FHIT: variants seen among roughly 807,000 people sequenced by gnomAD.
FHIT encodes bis(5'-adenosyl)-triphosphatase.
FHIT carries 19 observed loss-of-function variants against 17.9 expected under a neutral mutation model. The ratio of observed to expected loss-of-function variants is 1.06; its 90% CI spans 0.74 to 1.56. The LOEUF is 1.56. Among genes scored for constraint, FHIT ranks in the 40% most tolerant of loss-of-function variants. The pLI is 0.00. For missense variants in FHIT, 248 were observed against 189.2 expected, an observed-to-expected ratio of 1.31 and a Z score of -1.82; for synonymous variants, 81 against 69.7, an observed-to-expected ratio of 1.16 and a Z score of -0.81.
At chr3:60,259,683 G>C (rs777333995) in intron 5 of FHIT, among the ~76,000 whole-genome samples, 2 of 152,092 alleles carry the variant, frequency 1.3e-5, no homozygotes, top group African/African-American at 4.8e-5. Context: ...GCCTCAGAGA[G>C]GTTAATTAAC....
At chr3:59,995,745 G>C (rs571219362) in intron 7 of FHIT, among the ~76,000 whole-genome samples, 1 of 151,976 alleles carries the variant, frequency 6.6e-6, no homozygotes, top group Non-Finnish European at 1.5e-5. Context: ...ACACAGCACC[G>C]GGTATACCTC....
At chr3:59,824,300 A>G (rs1021146469) in intron 8 of FHIT, among the ~76,000 whole-genome samples, 23 of 152,136 alleles carry the variant, frequency 1.5e-4, no homozygotes, top group African/African-American at 5.3e-4. Flanking sequence ...AAAGAATGGG[A>G]ATAGAGGCAT....
intron 4 of FHIT, among the ~76,000 whole-genome samples, chr3:60,601,276 T>C (rs1288496214): frequency 6.6e-6 from 1 of 152,154 alleles, no homozygotes; most frequent in Non-Finnish European, 1.5e-5. Flanking sequence ...AGTGGCTTCC[T>C]AATGTCAGCA....
intron 1 of FHIT, among the ~76,000 whole-genome samples, chr3:61,210,220 C>G (rs9850114): frequency 0.43 from 65,806 of 151,996 alleles, 14,653 homozygotes; most frequent in East Asian, 0.58. Context: ...GCCCCTAGTG[C>G]GGGGTACCTC....
At chr3:60,773,974 C>T (rs1007133951) in intron 4 of FHIT, among the ~76,000 whole-genome samples, 6 of 152,202 alleles carry the variant, frequency 3.9e-5, no homozygotes, top group African/African-American at 4.8e-5. Context: ...GGATGGGCTA[C>T]TCATTTTAAG....
intron 1 of FHIT, among the ~76,000 whole-genome samples, chr3:61,208,122 G>C (rs1189480553): frequency 1.3e-5 from 2 of 152,144 alleles, no homozygotes; most frequent in Non-Finnish European, 1.5e-5. Flanking sequence ...TAATTGAGTG[G>C]TTTTGAGTGA....
At chr3:60,096,263 C>A (rs1482669102) in intron 5 of FHIT, among the ~76,000 whole-genome samples, 2 of 151,902 alleles carry the variant, frequency 1.3e-5, no homozygotes, top group African/African-American at 2.4e-5. Flanking sequence ...AAACAGCTTT[C>A]AGCAGAGTGG....
At chr3:61,113,948 C>T (rs1357932144) in intron 2 of FHIT, among the ~76,000 whole-genome samples, 1 of 152,154 alleles carries the variant, frequency 6.6e-6, no homozygotes, top group Non-Finnish European at 1.5e-5. Context: ...ACACATCAAA[C>T]AGGAAATAAA....
intron 5 of FHIT, among the ~76,000 whole-genome samples, chr3:60,289,729 T>A (rs1273960254): frequency 6.6e-6 from 1 of 152,212 alleles, no homozygotes; most frequent in Non-Finnish European, 1.5e-5. Flanking sequence ...GAAATGATGT[T>A]CCGTGTTCTC....
At chr3:60,717,685 G>T (rs2041717380) in intron 4 of FHIT, among the ~76,000 whole-genome samples, 1 of 152,150 alleles carries the variant, frequency 6.6e-6, no homozygotes, top group Non-Finnish European at 1.5e-5. Flanking sequence ...TAGAGCAGTT[G>T]TTCTTCAACT....
intron 5 of FHIT, among the ~76,000 whole-genome samples, chr3:60,181,175 C>T (rs1252875401): frequency 7.6e-6 from 1 of 131,382 alleles, no homozygotes; most frequent in Non-Finnish European, 1.5e-5. Context: ...GAGACTGAGT[C>T]TCACTCTGTC....
At chr3:61,036,775 G>A (rs1369135897) in intron 3 of FHIT, among the ~76,000 whole-genome samples, 1 of 152,070 alleles carries the variant, frequency 6.6e-6, no homozygotes, top group Non-Finnish European at 1.5e-5. Flanking sequence ...AAATCACACT[G>A]GTCATGGAGG....
chr3:60,109,041 G>T (rs13317306), intron 5 of FHIT, among the ~76,000 whole-genome samples: 14,341 of 152,048 alleles, frequency 0.094, 1,152 homozygotes, highest in African/African-American at 0.22. Context: ...AGCAGAGCTG[G>T]TTTCTGCATT....
chr3:60,308,627 T>G (rs1295730816), intron 5 of FHIT, among the ~76,000 whole-genome samples: 12 of 151,886 alleles, frequency 7.9e-5, no homozygotes, highest in Admixed American at 7.9e-4. Context: ...CATTTTATAT[T>G]TGCATGAGAG....
At chr3:60,634,023 T>C (rs1441619371) in intron 4 of FHIT, among the ~76,000 whole-genome samples, 3 of 152,226 alleles carry the variant, frequency 2.0e-5, no homozygotes, top group African/African-American at 7.2e-5. Flanking sequence ...GCTGCTGTAC[T>C]GTAAGTAGAA....
At chr3:60,658,000 G>A (rs1553690099) in intron 4 of FHIT, among the ~76,000 whole-genome samples, 1 of 152,012 alleles carries the variant, frequency 6.6e-6, no homozygotes, top group Admixed American at 6.6e-5. Context: ...GTAGTATTAA[G>A]TACATTCATA....
chr3:60,081,931 A>C (rs2107046600), intron 5 of FHIT, among the ~76,000 whole-genome samples: 1 of 151,786 alleles, frequency 6.6e-6, no homozygotes, highest in Non-Finnish European at 1.5e-5. Flanking sequence ...TGTTCTACAA[A>C]CTCGATGAGT....
At chr3:59,957,854 G>C (rs1707479928) in intron 7 of FHIT, among the ~76,000 whole-genome samples, 1 of 152,144 alleles carries the variant, frequency 6.6e-6, no homozygotes, top group Non-Finnish European at 1.5e-5. Context: ...TGGAACACTA[G>C]ACATTTCCAT....
chr3:59,752,234 A>G lies in FHIT; in HGVS notation c.436T>C (p.Phe146Leu), dbSNP rs1301103851. The change falls in exon 9 of 10, where the codon TTT (phenylalanine) becomes CTT (leucine). Residue 146 changes from phenylalanine (F) to leucine (L), a missense_variant. By Grantham distance (22) the Phe-to-Leu change is conservative. Coordinates refer to ENST00000492590, the MANE Select transcript of FHIT (RefSeq NM_002012.4). ...AAEAAALRVYFQ is the reference protein window; with the variant it reads ...AAEAAALRVYLQ ...TGCAGTCTTTACCTGTGTCACTGAA[A>G]GTAGACCCGCAGAGCTGCGGCTTCT... is the stretch of plus-strand genomic sequence containing the variant. 1.2e-6 allele frequency: 2 copies of G among 1,612,484 alleles called. No homozygotes were observed. The highest frequency in any genetic ancestry group is 2.2e-5 in the East Asian group (1 of 44,768).
Sources: allele counts gnomAD v4.1 joint callset (sites outside exome capture counted in the v4.1 genomes callset), GRCh38; gene constraint gnomAD v4.1.1; transcripts MANE v1.5; gene names NCBI Gene and HGNC (gene_info 2026-07-23, HGNC 2026-07-21).